LYN: variants seen among roughly 807,000 people sequenced by gnomAD.
LYN encodes tyrosine-protein kinase Lyn.
LYN carries 12 observed loss-of-function variants against 65.0 expected under a neutral mutation model. The observed-to-expected ratio is 0.18, with a 90% CI of 0.12 to 0.30. The LOEUF (loss-of-function observed/expected upper bound fraction) is 0.30. LYN is among the 10% of genes least tolerant of loss of function. LYN has a pLI of 1.00. For synonymous variants in LYN, 222 were observed against 221.2 expected (o/e 1.00, Z -0.03); for missense variants, 380 against 623.2 (o/e 0.61, Z 4.16).
intron 1 of LYN, among the ~76,000 whole-genome samples, chr8:55,931,596 G>T (rs537124913): frequency 6.6e-6 from 1 of 151,834 alleles, no homozygotes; most frequent in African/African-American, 2.4e-5. Flanking sequence ...CTATTCATTT[G>T]TACCTTTTCC....
intron 1 of LYN, among the ~76,000 whole-genome samples, chr8:55,934,263 A>G (rs1165423521): frequency 6.6e-6 from 1 of 152,222 alleles, no homozygotes; most frequent in East Asian, 1.9e-4. Flanking sequence ...TAAACACAGC[A>G]AACAGAAGAT....
intron 1 of LYN, among the ~76,000 whole-genome samples, chr8:55,939,831 G>A (rs1009568002): frequency 6.6e-6 from 1 of 152,230 alleles, no homozygotes. Context: ...TGCTTACTTA[G>A]AGATCAACTC....
At chr8:55,883,767 A>G (rs1804711280) in intron 1 of LYN, among the ~76,000 whole-genome samples, 1 of 152,218 alleles carries the variant, frequency 6.6e-6, no homozygotes, top group South Asian at 2.1e-4. Flanking sequence ...GCTGTGTGCA[A>G]GGCACTGTTC....
At chr8:55,952,212 C>G in intron 7 of LYN, 97 bp downstream of exon 7, 1 of 954,458 alleles carries the variant, frequency 1.0e-6, no homozygotes, top group Non-Finnish European at 1.5e-6. Context: ...TTTTATGCAT[C>G]GTATTTCTCT....
At chr8:55,936,950 G>A (rs112955833) in intron 1 of LYN, among the ~76,000 whole-genome samples, 118 of 151,832 alleles carry the variant, frequency 7.8e-4, no homozygotes, top group Middle Eastern at 3.5e-3. Flanking sequence ...GACAAAGTAG[G>A]CACATACGTG....
At chr8:55,941,240 C>T (rs1458945626) in intron 1 of LYN, among the ~76,000 whole-genome samples, 1 of 152,140 alleles carries the variant, frequency 6.6e-6, no homozygotes, top group Non-Finnish European at 1.5e-5. Flanking sequence ...AAAAAATCAA[C>T]CACTCAGCTT....
Position 56,010,083 on chromosome 8 carries a change from G to C in LYN, c.1512G>C (p.Thr504=), listed in dbSNP as rs779740200. The C allele has an allele frequency of 1.2e-6, 2 of 1,614,008 alleles. No individual in the cohort carries two copies. Among genetic ancestry groups the C allele is most frequent in the Admixed American group, 3.3e-5 (2 of 60,004 alleles). ...TCCTGGATGATTTCTACACAGCCAC[G>C]GAAGGGCAATACCAGCAGCAGCCTT... ...QSVLDDFYTA[T]EGQYQQQP The change falls in exon 13 of 13, where the codon ACG becomes ACC. Residue 504 remains threonine (T), a synonymous_variant. Coordinates refer to ENST00000519728, the MANE Select transcript of LYN (RefSeq NM_002350.4).
chr8:55,956,742 A>G (rs541277586), intron 8 of LYN, among the ~76,000 whole-genome samples: 1 of 152,320 alleles, frequency 6.6e-6, no homozygotes, highest in Non-Finnish European at 1.5e-5. Context: ...GTCAAGATCC[A>G]GGGACTTCTG....
intron 10 of LYN, among the ~76,000 whole-genome samples, chr8:55,987,752 A>C (rs1585669688): frequency 6.6e-6 from 1 of 152,308 alleles, no homozygotes; most frequent in Middle Eastern, 3.4e-3. Context: ...GCCAATGTGG[A>C]TGAATGCTTA....
chr8:55,973,938 A>G (rs888212989), intron 10 of LYN, among the ~76,000 whole-genome samples: 2 of 152,240 alleles, frequency 1.3e-5, no homozygotes, highest in Non-Finnish European at 1.5e-5. Context: ...AAAGCAAAAC[A>G]AAAAACTTGC....
rs115976578 is a variant in LYN, at chr8:55,931,815, G to A, written c.-5-10040G>A. 5.9e-3 allele frequency among the ~76,000 whole-genome samples: 901 copies of A among 152,200 alleles called. 7 individuals carry two copies. The highest frequency in any genetic ancestry group is 0.02 in the African/African-American group (845 of 41,548). Reference sequence around the variant, plus strand: ...TTGATGTTTTCTCAAATGTTACACCGTACCAGAAGACTTGTTTCTTTTAAC... The same window carrying A: ...TTGATGTTTTCTCAAATGTTACACCATACCAGAAGACTTGTTTCTTTTAAC... On this transcript the variant is annotated intron_variant, in intron 1 of 12. Transcript: ENST00000519728.
In LYN at chr8:55,891,352, C is replaced by CA. The variant is rs113888818; in HGVS notation, c.-6+11263dup. Among the ~76,000 whole-genome samples, 626 of 96,320 alleles carry CA rather than the reference C, an allele frequency of 6.5e-3. 3 individuals carry two copies. Among genetic ancestry groups the CA allele is most frequent in the African/African-American group, 0.012 (332 of 26,568 alleles). 63.2% of individuals were successfully genotyped at this position (96,320 alleles called of 152,430 possible). On this transcript the variant is annotated intron_variant, in intron 1 of 12. Coordinates refer to ENST00000519728, the MANE Select transcript of LYN (RefSeq NM_002350.4). Reference sequence around the variant, plus strand: ...GGGCAACAAGAGCGAAACTCCGGCTCAAAAAAAAAAAAAAGGAAATGCTGA... The same window carrying CA: ...GGGCAACAAGAGCGAAACTCCGGCTCAAAAAAAAAAAAAAAGGAAATGCTGA...
chr8:55,896,940 A>G (rs576566110), intron 1 of LYN, among the ~76,000 whole-genome samples: 1 of 152,158 alleles, frequency 6.6e-6, no homozygotes, highest in Non-Finnish European at 1.5e-5. Context: ...GGGTTTTGCC[A>G]TGTTGGCCAG....
intron 1 of LYN, among the ~76,000 whole-genome samples, chr8:55,905,082 T>C (rs57325128): frequency 2.6e-5 from 4 of 152,108 alleles, no homozygotes; most frequent in Non-Finnish European, 4.4e-5. Flanking sequence ...TTTACTAGAT[T>C]CAGCTATGTG....
chr8:55,994,770 T>A (rs946226069), intron 10 of LYN, among the ~76,000 whole-genome samples: 1 of 152,152 alleles, frequency 6.6e-6, no homozygotes, highest in Non-Finnish European at 1.5e-5. Context: ...TAGATAAGTG[T>A]CTAAGAGCTA....
intron 10 of LYN, among the ~76,000 whole-genome samples, chr8:55,989,675 A>G (rs1267786870): frequency 6.6e-6 from 1 of 152,192 alleles, no homozygotes; most frequent in African/African-American, 2.4e-5. Context: ...CATTTAACCA[A>G]ACCAAAAACC....
chr8:56,002,201 C>T (rs1298689927), intron 12 of LYN, among the ~76,000 whole-genome samples: 1 of 152,020 alleles, frequency 6.6e-6, no homozygotes, highest in Non-Finnish European at 1.5e-5. Flanking sequence ...GGGCGGATCA[C>T]AAGGTCAGGA....
intron 6 of LYN, among the ~76,000 whole-genome samples, chr8:55,951,682 AATCAAAGT>A (rs1322646840): frequency 2.0e-5 from 3 of 152,036 alleles, no homozygotes; most frequent in Non-Finnish European, 4.4e-5. Flanking sequence ...AAAAAAAGAA[AATCAAAGT>A]AACTTAAAAA....
chr8:55,926,659 T>C (rs1466991577), intron 1 of LYN, among the ~76,000 whole-genome samples: 2 of 152,230 alleles, frequency 1.3e-5, no homozygotes, highest in Admixed American at 6.5e-5. Flanking sequence ...CCCTTGATAA[T>C]TGTAAAGACT....
Sources: allele counts gnomAD v4.1 joint callset (sites outside exome capture counted in the v4.1 genomes callset), GRCh38; gene constraint gnomAD v4.1.1; transcripts MANE v1.5; gene names NCBI Gene and HGNC (gene_info 2026-07-23, HGNC 2026-07-21).